RNF157: variants seen among roughly 807,000 people sequenced by gnomAD.
The protein encoded by RNF157 is ring finger protein 157.
A neutral mutation model predicts 88.3 loss-of-function variants in RNF157; 55 were observed. The observed-to-expected ratio is 0.62, with a 90% CI of 0.50 to 0.78. RNF157 has a LOEUF of 0.78. Among genes scored for constraint, RNF157 ranks in the 30% least tolerant of loss-of-function variants. The probability of loss-of-function intolerance (pLI) is 0.00; values close to 1 mark genes in which losing one functional copy is unlikely to be tolerated. For missense variants in RNF157, 788 were observed against 860.8 expected (o/e 0.92, Z 1.06); for synonymous variants, 334 against 341.2 (o/e 0.98, Z 0.23).
intron 13 of RNF157, 25 bp from the exon 14 acceptor site, chr17:76,156,346 AG>A: frequency 6.2e-7 from 1 of 1,613,784 alleles, no homozygotes; most frequent in Non-Finnish European, 8.5e-7. Context: ...GGGACACAAC[AG>A]GACATGGAGC....
intron 2 of RNF157, among the ~76,000 whole-genome samples, chr17:76,185,538 C>T (rs1322840104): frequency 2.0e-5 from 3 of 149,646 alleles, no homozygotes; most frequent in Non-Finnish European, 4.4e-5. Context: ...GGCGCGATCT[C>T]GGCTCACTGC....
Position 76,157,095 on chromosome 17 carries a change from T to G in RNF157, c.1414-774A>C, listed in dbSNP as rs2068778120. Among the ~76,000 whole-genome samples the G allele has an allele frequency of 1.3e-5, 2 of 152,020 alleles. No individual in the cohort carries two copies. Among genetic ancestry groups the G allele is most frequent in the Non-Finnish European group, 2.9e-5 (2 of 68,008 alleles). Reference sequence around the variant, plus strand: ...GATTCTCCTGCCTCAGCCTCCCGAGTAGCTGGGACTACAGGTGCATGCCAC... The same window carrying G: ...GATTCTCCTGCCTCAGCCTCCCGAGGAGCTGGGACTACAGGTGCATGCCAC... On this transcript the variant is annotated intron_variant, in intron 13 of 18. Coordinates refer to ENST00000269391, the MANE Select transcript of RNF157 (RefSeq NM_052916.3). The surrounding 1 kb of genome is among the most constrained non-coding windows in gnomAD (Gnocchi z 5.6).
At chr17:76,201,807 A>G (rs1052884684) in intron 2 of RNF157, among the ~76,000 whole-genome samples, 2 of 152,170 alleles carry the variant, frequency 1.3e-5, no homozygotes, top group Non-Finnish European at 1.5e-5. Context: ...ATAACAGTTC[A>G]TGGCATAGGC....
chr17:76,233,465 C>A (rs756065012), intron 1 of RNF157, among the ~76,000 whole-genome samples: 3 of 152,090 alleles, frequency 2.0e-5, no homozygotes, highest in Non-Finnish European at 4.4e-5. Flanking sequence ...TCGCCCAATC[C>A]AAATCAAATA....
chr17:76,152,571 T>A, intron 17 of RNF157, 106 bp from the exon 18 acceptor site: 1 of 717,230 alleles, frequency 1.4e-6, no homozygotes, highest in Non-Finnish European at 2.5e-6. Context: ...AATCAAATCA[T>A]ATGTTAAAAA....
intron 3 of RNF157, among the ~76,000 whole-genome samples, chr17:76,171,613 C>G (rs1199788165): frequency 6.6e-6 from 1 of 152,184 alleles, no homozygotes; most frequent in Non-Finnish European, 1.5e-5. Context: ...CCCATAATCA[C>G]AGAAAAACAA....
At chr17:76,231,534 G>A (rs1040327573) in intron 1 of RNF157, among the ~76,000 whole-genome samples, 27 of 152,006 alleles carry the variant, frequency 1.8e-4, no homozygotes, top group African/African-American at 6.5e-4. Context: ...CTAACCTCAG[G>A]TGATCTTCTG....
At chr17:76,173,082 C>T (rs994342094) in intron 3 of RNF157, among the ~76,000 whole-genome samples, 7 of 152,050 alleles carry the variant, frequency 4.6e-5, no homozygotes, top group African/African-American at 9.7e-5. Flanking sequence ...GTCAGGAGAT[C>T]GAGACCATCC....
In RNF157 at chr17:76,200,206, C is replaced by T. The variant is rs560851422; in HGVS notation, c.207+12158G>A. ...GCAGTGAGCCAAGATCGCGCCACTC[C>T]ATGCCAGCCTGGGCGACAGAGCGGG... is the stretch of plus-strand genomic sequence containing the variant. On this transcript the variant is annotated intron_variant, in intron 2 of 18. Transcript: ENST00000269391. Among the ~76,000 whole-genome samples, 14 of 151,586 alleles carry T rather than the reference C, an allele frequency of 9.2e-5. No individual in the cohort carries two copies. The South Asian group carries it at 2.9e-3, about 32-fold the overall frequency.
At chr17:76,166,879 AAGTC>A in intron 5 of RNF157, 126 bp downstream of exon 5, 1 of 668,694 alleles carries the variant, frequency 1.5e-6, no homozygotes, top group South Asian at 1.8e-5. Flanking sequence ...GGACATGATG[AAGTC>A]ACAAGGCTGA....
At chr17:76,205,564 A>G (rs1483820327) in intron 2 of RNF157, among the ~76,000 whole-genome samples, 1 of 152,026 alleles carries the variant, frequency 6.6e-6, no homozygotes, top group Non-Finnish European at 1.5e-5. Flanking sequence ...GTCTCTACTA[A>G]AAATACAAAA....
intron 2 of RNF157, among the ~76,000 whole-genome samples, chr17:76,174,842 T>G (rs976147964): frequency 6.6e-6 from 1 of 152,254 alleles, no homozygotes; most frequent in Non-Finnish European, 1.5e-5. Context: ...GACTCTTACA[T>G]TCAATAGAAA....
At chr17:76,229,183 C>T (rs2070146193) in intron 1 of RNF157, among the ~76,000 whole-genome samples, 1 of 152,154 alleles carries the variant, frequency 6.6e-6, no homozygotes, top group Non-Finnish European at 1.5e-5. Context: ...GTCTCTTCTG[C>T]CTCTCACTTG....
chr17:76,215,541 A>G (rs1598436406), intron 1 of RNF157, among the ~76,000 whole-genome samples: 1 of 42,750 alleles, frequency 2.3e-5, no homozygotes, highest in Non-Finnish European at 4.5e-5. Context: ...ATAGCAAACT[A>G]AAAAAAAAAA....
chr17:76,199,156 T>C (rs1021654539), intron 2 of RNF157, among the ~76,000 whole-genome samples: 5 of 152,220 alleles, frequency 3.3e-5, no homozygotes, highest in Non-Finnish European at 7.3e-5. Flanking sequence ...AAGATCAAAG[T>C]TGGCAACATG....
In RNF157 at chr17:76,161,383, G is replaced by A. The variant is rs1402019109; in HGVS notation, c.1065+152C>T. The A allele has an allele frequency of 4.6e-6, 3 of 657,262 alleles. No homozygotes were observed. The highest frequency in any genetic ancestry group is 8.0e-6 in the Non-Finnish European group (3 of 375,062). 40.7% of individuals were successfully genotyped at this position (657,262 alleles called of 1,614,324 possible). On this transcript the variant is annotated intron_variant, in intron 11 of 18. Transcript: ENST00000269391. This position sits in a 1 kb window ranked among gnomAD's most constrained non-coding sequence, Gnocchi z 4.6. ...TTCAATTTTCCACAGTAATAAGTTG[G>A]TTTTAACGCATGCTCTCAGCCGGCT...
At chr17:76,208,453 C>A (rs899326883) in intron 2 of RNF157, among the ~76,000 whole-genome samples, 1 of 152,142 alleles carries the variant, frequency 6.6e-6, no homozygotes, top group African/African-American at 2.4e-5. Flanking sequence ...GAATGAGGAC[C>A]TTTTTCATCA....
intron 1 of RNF157, among the ~76,000 whole-genome samples, chr17:76,231,695 AATC>A (rs1321985282): frequency 6.6e-6 from 1 of 152,216 alleles, no homozygotes; most frequent in Non-Finnish European, 1.5e-5. Flanking sequence ...CCACCCTTTC[AATC>A]ATCAAGCTCT....
At chr17:76,225,990 C>T in intron 1 of RNF157, 4 of 1,611,132 alleles carry the variant, frequency 2.5e-6, no homozygotes, top group Non-Finnish European at 3.4e-6. Context: ...TCACCCTTTA[C>T]TTTTGCTGCT....
Sources: allele counts gnomAD v4.1 joint callset (sites outside exome capture counted in the v4.1 genomes callset), GRCh38; gene constraint gnomAD v4.1.1; non-coding constraint Gnocchi (gnomAD v3.1); transcripts MANE v1.5; gene names NCBI Gene and HGNC (gene_info 2026-07-23, HGNC 2026-07-21).